The following NEXMIF variants were observed in gnomAD, a reference collection of about 807,000 sequenced individuals.
NEXMIF encodes neurite extension and migration factor, also known as XLMR protein related to neurite extension.
Under a neutral mutation model 62.1 loss-of-function variants are expected in NEXMIF, and 8 were observed. That is an observed-to-expected ratio of 0.13 (90% CI 0.08 to 0.23). NEXMIF has a LOEUF of 0.23. NEXMIF is among the 10% of genes least tolerant of loss of function. The pLI, the probability that NEXMIF is intolerant of heterozygous loss-of-function variation, is 1.00. For synonymous variants in NEXMIF, 404 were observed against 416.6 expected, an observed-to-expected ratio of 0.97 and a Z score of 0.37; for missense variants, 976 against 1,113.3, an observed-to-expected ratio of 0.88 and a Z score of 1.75.
intron 1 of NEXMIF, among the ~76,000 whole-genome samples, chrX:74,801,176 A>G (rs939703534): frequency 7.1e-5 from 8 of 112,041 alleles, no homozygotes; most frequent in African/African-American, 2.3e-4. Context: ...GTGCTGAATA[A>G]TATTTCATTG....
intron 1 of NEXMIF, among the ~76,000 whole-genome samples, chrX:74,885,587 A>C (rs912374931): frequency 2.7e-5 from 3 of 111,724 alleles, no homozygotes; most frequent in Non-Finnish European, 5.6e-5. Context: ...CCCTCCCAAG[A>C]CTAAACCAGG....
chrX:74,878,061 C>T lies in NEXMIF; in HGVS notation c.-48+46822G>A, dbSNP rs973015898. Among the ~76,000 whole-genome samples the T allele has an allele frequency of 5.5e-3, 615 of 111,741 alleles. 2 individuals carry two copies. The highest frequency in any genetic ancestry group is 9.6e-3 in the Non-Finnish European group (510 of 53,137). ...CTGTGTTCCTTTGGAGGAGGAGAGT[C>T]GCTCTGCTTTTTAGAGTTTCCAGTT... On this transcript the variant is annotated intron_variant, in intron 1 of 3. Transcript: ENST00000055682.
At chrX:74,754,452 G>A (rs1266078822) in intron 1 of NEXMIF, among the ~76,000 whole-genome samples, 2 of 107,606 alleles carry the variant, frequency 1.9e-5, no homozygotes, top group Non-Finnish European at 3.8e-5. Context: ...GAGATTACAG[G>A]CGCCTGACAC....
At chrX:74,853,465 A>C (rs2080523243) in intron 1 of NEXMIF, among the ~76,000 whole-genome samples, 1 of 108,516 alleles carries the variant, frequency 9.2e-6, no homozygotes, top group Non-Finnish European at 1.9e-5. Context: ...AGTGACAAGC[A>C]AAAGAGGATG....
intron 1 of NEXMIF, among the ~76,000 whole-genome samples, chrX:74,904,525 A>T (rs1047695754): frequency 8.9e-6 from 1 of 112,100 alleles, no homozygotes; most frequent in African/African-American, 3.2e-5. Context: ...GGAAAAAAGC[A>T]AGATAGGGTA....
chrX:74,847,960 C>G (rs910663978), intron 1 of NEXMIF, among the ~76,000 whole-genome samples: 1 of 110,739 alleles, frequency 9.0e-6, no homozygotes, highest in Non-Finnish European at 1.9e-5. Context: ...GACTCCTCCC[C>G]CTTCTTCTAA....
At chrX:74,885,455 C>T (rs1448201570) in intron 1 of NEXMIF, among the ~76,000 whole-genome samples, 3 of 111,084 alleles carry the variant, frequency 2.7e-5, no homozygotes, top group Non-Finnish European at 3.8e-5. Flanking sequence ...TAAAAAATGA[C>T]AAAGGGGATA....
chrX:74,817,300 T>G (rs1266817151), intron 1 of NEXMIF, among the ~76,000 whole-genome samples: 3 of 111,916 alleles, frequency 2.7e-5, no homozygotes, highest in Non-Finnish European at 5.6e-5. Context: ...GGCCTAAGTC[T>G]TAAACTGCCG....
At chrX:74,853,456 G>A (rs2080523205) in intron 1 of NEXMIF, among the ~76,000 whole-genome samples, 1 of 108,229 alleles carries the variant, frequency 9.2e-6, no homozygotes, top group South Asian at 4.2e-4. Flanking sequence ...CATTAACATA[G>A]TGACAAGCAA....
At chrX:74,880,369 G>C (rs1178645316) in intron 1 of NEXMIF, among the ~76,000 whole-genome samples, 3 of 111,522 alleles carry the variant, frequency 2.7e-5, no homozygotes, top group Non-Finnish European at 5.6e-5. Context: ...AATTTCATGT[G>C]ACTTCATGAT....
chrX:74,803,813 A>C (rs1327517826), intron 1 of NEXMIF, among the ~76,000 whole-genome samples: 1 of 110,750 alleles, frequency 9.0e-6, no homozygotes. Flanking sequence ...TCTGGTGAAA[A>C]TATCCTTCAA....
At chrX:74,796,292 T>TTA (rs1182110920) in intron 1 of NEXMIF, among the ~76,000 whole-genome samples, 1 of 13,596 alleles carries the variant, frequency 7.4e-5, no homozygotes. Flanking sequence ...ATTATATATA[T>TTA]TATATATATA....
At position 74,835,260 on chromosome X, in the gene NEXMIF, C is replaced by CTA. The variant is rs769208619; in HGVS notation, c.-47-89564_-47-89563insTA. Among the ~76,000 whole-genome samples the CTA allele has an allele frequency of 3.4e-3, 377 of 112,131 alleles. 2 individuals are homozygous for CTA. The highest frequency in any genetic ancestry group is 0.012 in the African/African-American group (360 of 30,862). On this transcript the variant is annotated intron_variant, in intron 1 of 3. Transcript: ENST00000055682. The stretch of plus-strand genomic sequence containing the variant: ...TTCCTCAAAACAGCTATTCTGAATT[C>CTA]TGTCTGAAAGGTCACATATCGCTGT...
chrX:74,808,785 G>A (rs765714032), intron 1 of NEXMIF, among the ~76,000 whole-genome samples: 34 of 111,904 alleles, frequency 3.0e-4, no homozygotes, highest in Non-Finnish European at 6.2e-4. Context: ...ACATTCCAAA[G>A]CTATCTCACC....
chrX:74,796,789 GAA>G (rs2080313518), intron 1 of NEXMIF, among the ~76,000 whole-genome samples: 1 of 111,696 alleles, frequency 9.0e-6, no homozygotes, highest in Non-Finnish European at 1.9e-5. Flanking sequence ...AAATGGTGGA[GAA>G]AAGACATATC....
chrX:74,775,178 G>A (rs1046711386), intron 1 of NEXMIF, among the ~76,000 whole-genome samples: 1 of 110,267 alleles, frequency 9.1e-6, no homozygotes, highest in African/African-American at 3.3e-5. Flanking sequence ...TTCATTTTTT[G>A]CTCCAATCAT....
intron 1 of NEXMIF, among the ~76,000 whole-genome samples, chrX:74,767,971 A>AG (rs969591703): frequency 1.5e-4 from 17 of 110,562 alleles, no homozygotes; most frequent in African/African-American, 4.6e-4. Flanking sequence ...TATGTATGGG[A>AG]GGGGGGGTCT....
chrX:74,812,050 C>T (rs777754666), intron 1 of NEXMIF, among the ~76,000 whole-genome samples: 2 of 112,934 alleles, frequency 1.8e-5, no homozygotes, highest in Admixed American at 1.9e-4. Flanking sequence ...CTGAGTTTCA[C>T]AATTTGCTGA....
At chrX:74,875,396 T>C (rs887458958) in intron 1 of NEXMIF, among the ~76,000 whole-genome samples, 19 of 111,990 alleles carry the variant, frequency 1.7e-4, no homozygotes, top group Non-Finnish European at 2.4e-4. Flanking sequence ...TTTGGTTTGC[T>C]GGTATTTTAT....
Sources: gnomAD v4.1 joint callset for allele counts (sites outside exome capture counted in the v4.1 genomes callset) on GRCh38, gnomAD v4.1.1 for gene constraint, MANE v1.5 for transcripts, NCBI Gene and HGNC (gene_info 2026-07-23, HGNC 2026-07-21) for gene names.